The following PTDSS1 variants were observed in gnomAD, a reference collection of about 807,000 sequenced individuals.
PTDSS1 encodes the protein PSS-1.
A neutral mutation model predicts 70.5 loss-of-function variants in PTDSS1; 45 were observed. That is an observed-to-expected ratio of 0.64 (90% confidence interval 0.50 to 0.82). PTDSS1 has a LOEUF of 0.82. Among genes scored for constraint, PTDSS1 ranks in the 40% least tolerant of loss-of-function variants. The pLI is 0.00. For missense variants in PTDSS1, 417 were observed against 586.1 expected, an observed-to-expected ratio of 0.71 and a Z score of 2.98; for synonymous variants, 188 against 203.8, an observed-to-expected ratio of 0.92 and a Z score of 0.66.
chr8:96,304,585 C>T (rs896316710), intron 7 of PTDSS1, among the ~76,000 whole-genome samples: 10 of 152,174 alleles, frequency 6.6e-5, no homozygotes, highest in African/African-American at 2.4e-4. Context: ...CAGCTGTTAC[C>T]ACTTTGGTTA....
intron 1 of PTDSS1, among the ~76,000 whole-genome samples, chr8:96,264,312 T>C (rs1436649865): frequency 6.6e-6 from 1 of 152,266 alleles, no homozygotes; most frequent in Non-Finnish European, 1.5e-5. Context: ...TTTTAGATAA[T>C]CTGTTTAGCT....
chr8:96,273,452 T>C, intron 2 of PTDSS1, 62 bp downstream of exon 2: 1 of 1,246,178 alleles, frequency 8.0e-7, no homozygotes, highest in Admixed American at 2.1e-5. Flanking sequence ...TTTTTTGAGA[T>C]GTGAGTCATC....
At chr8:96,265,504 T>C (rs1166413072) in intron 1 of PTDSS1, among the ~76,000 whole-genome samples, 2 of 152,172 alleles carry the variant, frequency 1.3e-5, no homozygotes, top group African/African-American at 4.8e-5. Flanking sequence ...AAAATAAAGT[T>C]AGATACTACC....
chr8:96,326,321 T>C (rs1811437330), intron 10 of PTDSS1, among the ~76,000 whole-genome samples: 1 of 152,196 alleles, frequency 6.6e-6, no homozygotes, highest in Non-Finnish European at 1.5e-5. Flanking sequence ...GGACCAGTAG[T>C]GCTTTGTACG....
At chr8:96,285,142 G>T (rs1183539917) in intron 3 of PTDSS1, among the ~76,000 whole-genome samples, 1 of 152,248 alleles carries the variant, frequency 6.6e-6, no homozygotes, top group African/African-American at 2.4e-5. Context: ...ACAGGAGCTG[G>T]TGTCTGGTTT....
At chr8:96,300,925 A>T (rs911567441) in intron 6 of PTDSS1, among the ~76,000 whole-genome samples, 1 of 152,090 alleles carries the variant, frequency 6.6e-6, no homozygotes, top group African/African-American at 2.4e-5. Context: ...AATCTCACCT[A>T]TAATATATAT....
At chr8:96,285,502 T>A (rs1180281706) in intron 3 of PTDSS1, among the ~76,000 whole-genome samples, 1 of 152,244 alleles carries the variant, frequency 6.6e-6, no homozygotes, top group African/African-American at 2.4e-5. Context: ...TAGTCCTGGC[T>A]ATAACGTGCA....
chr8:96,332,794 T>G (rs1055683140), intron 12 of PTDSS1, among the ~76,000 whole-genome samples: 1 of 152,246 alleles, frequency 6.6e-6, no homozygotes, highest in Non-Finnish European at 1.5e-5. Flanking sequence ...ACTTTTTTTT[T>G]GTTGGCAGCC....
At chr8:96,318,296 C>T (rs7824201) in intron 9 of PTDSS1, among the ~76,000 whole-genome samples, 68,504 of 151,472 alleles carry the variant, frequency 0.45, 16,035 homozygotes, top group Middle Eastern at 0.48. Flanking sequence ...TGCACTCCAG[C>T]CTGGGTGACA....
chr8:96,330,426 G>A, intron 11 of PTDSS1, 145 bp downstream of exon 11: 1 of 731,282 alleles, frequency 1.4e-6, no homozygotes, highest in Middle Eastern at 3.1e-4. Context: ...GAAACCGCAT[G>A]TCACAACTCA....
intron 2 of PTDSS1, among the ~76,000 whole-genome samples, chr8:96,280,265 T>C (rs1810716301): frequency 6.6e-6 from 1 of 152,180 alleles, no homozygotes; most frequent in Non-Finnish European, 1.5e-5. Flanking sequence ...CTGACACCTG[T>C]AATCTCAGCA....
chr8:96,300,423 C>T (rs1171629160), intron 6 of PTDSS1, among the ~76,000 whole-genome samples: 9 of 152,184 alleles, frequency 5.9e-5, no homozygotes, highest in African/African-American at 1.9e-4. Context: ...CCAGCCTGAT[C>T]ATCCTTTTCT....
chr8:96,323,472 T>G (rs955787910), intron 10 of PTDSS1, among the ~76,000 whole-genome samples: 11 of 152,166 alleles, frequency 7.2e-5, no homozygotes, highest in South Asian at 6.2e-4. Flanking sequence ...TAACACCACA[T>G]GGACACCACC....
chr8:96,300,784 G>C (rs1490346600), intron 6 of PTDSS1, among the ~76,000 whole-genome samples: 1 of 152,054 alleles, frequency 6.6e-6, no homozygotes, highest in Non-Finnish European at 1.5e-5. Context: ...TCCATTTTAT[G>C]GTCCTTTAGT....
rs1250705592 is a variant in PTDSS1 at position 96,336,334 on chromosome 8, C to T, written c.*2768C>T. 1 of 152,000 alleles carries T rather than the reference C, an allele frequency of 6.6e-6. No homozygotes were observed. 9.4% of individuals were successfully genotyped at this position (152,000 alleles called of 1,614,324 possible). On this transcript the variant is annotated 3_prime_UTR_variant, in exon 13 of 13. Transcript: ENST00000517309. The stretch of plus-strand genomic sequence containing the variant: ...CGTGTAGCACCCTGGAATGATGCCT[C>T]TTTATGCCAAGGCCCACCCTTTGGA...
intron 3 of PTDSS1, among the ~76,000 whole-genome samples, chr8:96,285,083 T>C (rs1810802667): frequency 6.6e-6 from 1 of 152,144 alleles, no homozygotes; most frequent in Non-Finnish European, 1.5e-5. Context: ...ATCAAAAAAA[T>C]ATCAGCTATC....
intron 3 of PTDSS1, among the ~76,000 whole-genome samples, chr8:96,286,590 C>T (rs769975937): frequency 1.3e-5 from 2 of 152,134 alleles, no homozygotes; most frequent in African/African-American, 2.4e-5. Context: ...AAATGTTGGC[C>T]GTGGCCTTTA....
At chr8:96,329,976 G>C (rs1311523349) in intron 10 of PTDSS1, among the ~76,000 whole-genome samples, 13 of 152,172 alleles carry the variant, frequency 8.5e-5, no homozygotes, top group Admixed American at 8.5e-4. Context: ...TGTCTTTCTT[G>C]CTTTCTGATA....
intron 1 of PTDSS1, among the ~76,000 whole-genome samples, chr8:96,267,610 A>G (rs1810506396): frequency 6.6e-6 from 1 of 152,236 alleles, no homozygotes; most frequent in South Asian, 2.1e-4. Flanking sequence ...ATTCTTCACA[A>G]GGATTGTGAC....
Sources: gnomAD v4.1 joint callset for allele counts (sites outside exome capture counted in the v4.1 genomes callset) on GRCh38, gnomAD v4.1.1 for gene constraint, MANE v1.5 for transcripts, NCBI Gene and HGNC (gene_info 2026-07-23, HGNC 2026-07-21) for gene names.